The following MGAM variants were observed in gnomAD, a reference collection of about 807,000 sequenced individuals.
MGAM encodes maltase-glucoamylase, also known as alpha-1,4-glucosidase.
In MGAM, 253 loss-of-function variants were observed where a neutral mutation model predicts 358.8. The ratio of observed to expected loss-of-function variants is 0.71; its 90% confidence interval spans 0.64 to 0.78. MGAM has a LOEUF of 0.78. MGAM is among the 30% of genes least tolerant of loss of function. The pLI is 0.00. For missense variants in MGAM, 3,080 were observed against 3,432.6 expected, an observed-to-expected ratio of 0.90 and a Z score of 2.57; for synonymous variants, 1,105 against 1,227.1, an observed-to-expected ratio of 0.90 and a Z score of 2.08.
At chr7:142,041,893 A>G (rs1368020857) in intron 21 of MGAM, among the ~76,000 whole-genome samples, 1 of 47,346 alleles carries the variant, frequency 2.1e-5, no homozygotes, top group African/African-American at 9.0e-5. Flanking sequence ...CGTATAATAT[A>G]TAATATATAT....
intron 57 of MGAM, among the ~76,000 whole-genome samples, chr7:142,089,773 C>A (rs1242538580): frequency 6.9e-6 from 1 of 144,896 alleles, no homozygotes; most frequent in Non-Finnish European, 1.6e-5. Flanking sequence ...GGTGACACAG[C>A]GAGACTCCGT....
At chr7:142,023,940 A>G (rs1806707927) in intron 7 of MGAM, among the ~76,000 whole-genome samples, 2 of 152,156 alleles carry the variant, frequency 1.3e-5, no homozygotes, top group South Asian at 4.2e-4. Flanking sequence ...TTGAATTAAA[A>G]TCTGCATTTA....
chr7:142,012,723 T>A (rs1805686516), intron 3 of MGAM, among the ~76,000 whole-genome samples: 1 of 152,224 alleles, frequency 6.6e-6, no homozygotes, highest in Non-Finnish European at 1.5e-5. Context: ...TAGCATTTAC[T>A]GGGATTACAT....
intron 2 of MGAM, among the ~76,000 whole-genome samples, chr7:142,007,172 C>A (rs1484722403): frequency 1.3e-5 from 2 of 152,126 alleles, no homozygotes; most frequent in East Asian, 1.9e-4. Context: ...CCTGTTCAGA[C>A]ATGTTGTAAC....
chr7:142,009,131 G>A (rs1379296172), intron 3 of MGAM, among the ~76,000 whole-genome samples: 1 of 152,048 alleles, frequency 6.6e-6, no homozygotes, highest in African/African-American at 2.4e-5. Flanking sequence ...AATTTCCAAA[G>A]CTCATCTAGA....
At position 142,065,450 on chromosome 7, in the gene MGAM, C is replaced by T; in HGVS notation, c.4600C>T (p.Leu1534=). ...LGDNTAAWDQ[L]KKSIIGMMEF... ...AGACAACACGGCCGCATGGGATCAG[C>T]TGAAGAAGTCTATCATTGGTGCGTG... The change falls in exon 38 of 71, where the codon CTG becomes TTG. Residue 1534 remains leucine, a synonymous_variant. Coordinates refer to ENST00000475668, the MANE Select transcript of MGAM (RefSeq NM_001365693.1). The T allele has an allele frequency of 6.2e-7, 1 of 1,610,864 alleles. No homozygotes were observed. Among genetic ancestry groups the T allele is most frequent in the Non-Finnish European group, 8.5e-7 (1 of 1,178,494 alleles).
chr7:142,045,418 A>G lies in MGAM; in HGVS notation c.2499-2367A>G, dbSNP rs569885578. 1.3e-4 allele frequency among the ~76,000 whole-genome samples: 14 copies of G among 107,794 alleles called. No homozygotes were observed. In the East Asian group the frequency reaches 2.1e-3, roughly 16 times the overall value. 70.7% of individuals were successfully genotyped at this position (107,794 alleles called of 152,430 possible). ...ATGATATATTATATATATTATATAT[A>G]CCTATAATACATGATATATTATATA... is the stretch of plus-strand genomic sequence containing the variant. On this transcript the variant is annotated intron_variant, in intron 21 of 70. Coordinates refer to ENST00000475668, the MANE Select transcript of MGAM (RefSeq NM_001365693.1).
In MGAM at chr7:142,106,111, A is replaced by T; in HGVS notation, c.*220A>T. 2.2e-6 allele frequency: 1 copy of T among 447,584 alleles called. No individual in the cohort carries two copies. Among genetic ancestry groups the T allele is most frequent in the South Asian group, 2.2e-5 (1 of 44,522 alleles). The allele number at this position is 447,584 out of a possible 1,614,324, so 27.7% of individuals were successfully genotyped here. On this transcript the variant is annotated 3_prime_UTR_variant, in exon 71 of 71. Coordinates refer to ENST00000475668, the MANE Select transcript of MGAM (RefSeq NM_001365693.1). ...GTGTGGAAAATCTATGCATTACCTT[A>T]ATGTCTCTGTGTGGTTAGTATGGTA...
At chr7:142,096,704 A>G (rs1022460279) in intron 65 of MGAM, among the ~76,000 whole-genome samples, 1 of 152,210 alleles carries the variant, frequency 6.6e-6, no homozygotes, top group Non-Finnish European at 1.5e-5. Context: ...AATAAGGAAT[A>G]GAAGATCAGA....
intron 3 of MGAM, among the ~76,000 whole-genome samples, chr7:142,016,573 C>T (rs549390886): frequency 6.6e-6 from 1 of 151,928 alleles, no homozygotes; most frequent in Non-Finnish European, 1.5e-5. Context: ...GTCTATTTGC[C>T]TGATATTAGT....
chr7:142,042,751 A>AAT (rs1285135608), intron 21 of MGAM, among the ~76,000 whole-genome samples: 5 of 77,598 alleles, frequency 6.4e-5, no homozygotes, highest in African/African-American at 2.7e-4. Context: ...ATCTGAATAT[A>AAT]ATATATATAT....
At chr7:142,085,697 C>T in intron 54 of MGAM, 136 bp from the exon 55 acceptor site, 1 of 1,222,460 alleles carries the variant, frequency 8.2e-7, no homozygotes. Context: ...CTGTACCTAA[C>T]AAATGGCAGA....
chr7:141,991,773 G>A (rs554792466), upstream of MGAM, among the ~76,000 whole-genome samples: 8 of 152,130 alleles, frequency 5.3e-5, no homozygotes, highest in African/African-American at 1.7e-4. Flanking sequence ...CAATCCTCAC[G>A]TTTGCATAGT....
In MGAM at chr7:142,084,670, G is replaced by A. The variant is rs1291359643; in HGVS notation, c.6507+26G>A. 6 of 1,547,226 alleles carry A rather than the reference G, an allele frequency of 3.9e-6. 2 individuals carry two copies. The highest frequency in any genetic ancestry group is 5.3e-6 in the Non-Finnish European group (6 of 1,128,052). ...GTACGTTCTCAGTCATGGCTCTGGA[G>A]TTTGAAAACTAACCCAGGTGCCTCT... On this transcript the variant is annotated intron_variant, in intron 54 of 70. Transcript: ENST00000475668.
rs374028790 is a variant in MGAM, at chr7:142,020,603, A to ATAT, written c.449-370_449-369insATT. 8.3e-3 allele frequency among the ~76,000 whole-genome samples: 1,103 copies of ATAT among 132,594 alleles called. 21 individuals carry two copies. Among genetic ancestry groups the ATAT allele is most frequent in the Admixed American group, 0.035 (449 of 12,714 alleles). 87.0% of individuals were successfully genotyped at this position (132,594 alleles called of 152,430 possible). Reference sequence around the variant, plus strand: ...TGTATCCTAATATATATATATATATATTTTTTTTTTTTTTTTGAGAAGGAG... The same window carrying ATAT: ...TGTATCCTAATATATATATATATATATATTTTTTTTTTTTTTTTTGAGAAGGAG... On this transcript the variant is annotated intron_variant, in intron 4 of 70. Transcript: ENST00000475668.
rs1317584762 is a variant in MGAM at position 142,044,201 on chromosome 7, TATATACATTATATACACATACGAC to T, written c.2498+3361_2498+3384del. ...TACACATACGACATATAATATATAA[TATATACATTATATACACATACGAC>T]ATATAATATATACATTATATACACA... On this transcript the variant is annotated intron_variant, in intron 21 of 70. Transcript: ENST00000475668. 3.8e-3 allele frequency among the ~76,000 whole-genome samples: 507 copies of T among 134,126 alleles called. 9 individuals are homozygous for T. Among genetic ancestry groups the T allele is most frequent in the Non-Finnish European group, 6.5e-3 (405 of 61,834 alleles). The allele number at this position is 134,126 out of a possible 152,430, so 88.0% of individuals were successfully genotyped here.
At chr7:141,993,828 G>T (rs1337703107), upstream of MGAM, among the ~76,000 whole-genome samples, 4 of 152,158 alleles carry the variant, frequency 2.6e-5, no homozygotes, top group Non-Finnish European at 5.9e-5. Context: ...TTTTGAAATT[G>T]CAATCGCTAT....
In MGAM at chr7:142,045,109, CGTGCA is replaced by C. The variant is rs1477579774; in HGVS notation, c.2499-2675_2499-2671del. Reference sequence around the variant, plus strand: ...ATATATAATATGTATATTATATATACGTGCAATATATGATATATAATATGTATATT... The same window carrying C: ...ATATATAATATGTATATTATATATACATATATGATATATAATATGTATATT... On this transcript the variant is annotated intron_variant, in intron 21 of 70. Transcript: ENST00000475668. Among the ~76,000 whole-genome samples, 250 of 48,968 alleles carry C rather than the reference CGTGCA, an allele frequency of 5.1e-3. 20 individuals carry two copies. The highest frequency in any genetic ancestry group is 6.9e-3 in the Non-Finnish European group (177 of 25,774). 32.1% of individuals were successfully genotyped at this position (48,968 alleles called of 152,430 possible). A position where few individuals can be genotyped will look rare whatever the true frequency, so the allele number is the denominator to read the frequency against.
intron 22 of MGAM, among the ~76,000 whole-genome samples, chr7:142,049,885 T>A (rs1180356330): frequency 6.6e-6 from 1 of 152,214 alleles, no homozygotes; most frequent in African/African-American, 2.4e-5. Context: ...GAAAATAGTA[T>A]GCATGTTCCT....
Sources: gnomAD v4.1 joint callset for allele counts (sites outside exome capture counted in the v4.1 genomes callset) on GRCh38, gnomAD v4.1.1 for gene constraint, MANE v1.5 for transcripts, NCBI Gene and HGNC (gene_info 2026-07-23, HGNC 2026-07-21) for gene names.